The following RFX3 variants were observed in gnomAD, a reference collection of about 807,000 sequenced individuals.
RFX3 encodes the protein regulatory factor X3.
Under a neutral mutation model 98.6 loss-of-function variants are expected in RFX3, and 14 were observed. The ratio of observed to expected loss-of-function variants is 0.14; its 90% CI spans 0.09 to 0.22. The LOEUF (loss-of-function observed/expected upper bound fraction) is 0.22, where lower values mean the gene tolerates loss of function less well. RFX3 is among the 10% of genes least tolerant of loss of function. RFX3 has a pLI of 1.00. For synonymous variants in RFX3, 383 were observed against 328.4 expected (o/e 1.17, Z -1.80); for missense variants, 639 against 926.9 (o/e 0.69, Z 4.03).
intron 7 of RFX3, among the ~76,000 whole-genome samples, chr9:3,286,254 A>T (rs1046311171): frequency 2.0e-5 from 3 of 151,814 alleles, no homozygotes; most frequent in Admixed American, 6.6e-5. Flanking sequence ...AGCAATCATA[A>T]CCCAAAATAG....
At chr9:3,283,719 G>C (rs1227769211) in intron 7 of RFX3, among the ~76,000 whole-genome samples, 2 of 151,758 alleles carry the variant, frequency 1.3e-5, no homozygotes, top group African/African-American at 4.8e-5. Flanking sequence ...GTGAAAGAAA[G>C]GTTTATTCTT....
chr9:3,351,170 G>C (rs78494249), intron 2 of RFX3, among the ~76,000 whole-genome samples: 3,209 of 152,034 alleles, frequency 0.021, 125 homozygotes, highest in African/African-American at 0.073. Context: ...GTTTATAATG[G>C]AAGAGGCTAT....
intron 1 of RFX3, among the ~76,000 whole-genome samples, chr9:3,405,903 G>A (rs937959193): frequency 1.3e-5 from 2 of 152,002 alleles, no homozygotes; most frequent in African/African-American, 4.8e-5. Context: ...ATACAATCCA[G>A]CCTTATGGAA....
rs58788880 is a variant in RFX3, at chr9:3,292,061, CAAAAAAAAAAAAAAAAAAAAAAAA to C, written c.731+992_731+1015del. On this transcript the variant is annotated intron_variant, in intron 6 of 16. Transcript: ENST00000617270. ...ACAGAAACAGAGTGAGACTCCATCT[CAAAAAAAAAAAAAAAAAAAAAAAA>C]AAAAAAAAAAAAAAACTCTTTACGA... Among the ~76,000 whole-genome samples the C allele has an allele frequency of 3.8e-4, 9 of 23,946 alleles. 1 individual carries two copies. In the East Asian group the frequency reaches 6.1e-3, roughly 16 times the overall value. 15.7% of individuals were successfully genotyped at this position (23,946 alleles called of 152,430 possible).
At position 3,341,960 on chromosome 9, in the gene RFX3, T is replaced by C. The variant is rs539068344; in HGVS notation, c.215+4707A>G. Reference sequence around the variant, plus strand: ...GAAAGCATAATTTCACCTGCAAATATCGAAATTTCACATTCCACTTATAGA... The same window carrying C: ...GAAAGCATAATTTCACCTGCAAATACCGAAATTTCACATTCCACTTATAGA... On this transcript the variant is annotated intron_variant, in intron 3 of 16. Transcript: ENST00000617270. Among the ~76,000 whole-genome samples the C allele has an allele frequency of 8.5e-5, 13 of 152,286 alleles. 2 individuals carry two copies. The highest frequency in any genetic ancestry group is 2.9e-4 in the African/African-American group (12 of 41,572).
At chr9:3,323,625 C>A (rs1027469305) in intron 4 of RFX3, among the ~76,000 whole-genome samples, 2 of 152,082 alleles carry the variant, frequency 1.3e-5, no homozygotes, top group African/African-American at 2.4e-5. Context: ...TTATCTAGAT[C>A]TTGTATGACA....
chr9:3,243,125 G>C (rs1267273245), intron 15 of RFX3, among the ~76,000 whole-genome samples: 1 of 151,954 alleles, frequency 6.6e-6, no homozygotes, highest in Non-Finnish European at 1.5e-5. Context: ...TCTGGTCAGA[G>C]TTGTATGGAA....
In RFX3 at chr9:3,224,434, T is replaced by A. The variant is rs1296304105; in HGVS notation, c.*608A>T. On this transcript the variant is annotated 3_prime_UTR_variant, in exon 17 of 17. Coordinates refer to ENST00000617270, the MANE Select transcript of RFX3 (RefSeq NM_001282116.2). The stretch of plus-strand genomic sequence containing the variant: ...GTCATTTACTCTGAACTGATAAATG[T>A]ACAGCTCATTTTTTCCTCAGAGAAA... 1.3e-5 allele frequency: 2 copies of A among 152,568 alleles called. No individual in the cohort carries two copies. The highest frequency in any genetic ancestry group is 4.8e-5 in the African/African-American group (2 of 41,470). The allele number at this position is 152,568 out of a possible 1,614,324, so 9.5% of individuals were successfully genotyped here.
chr9:3,289,619 T>C lies in RFX3; in HGVS notation c.732-1369A>G, dbSNP rs78775378. On this transcript the variant is annotated intron_variant, in intron 6 of 16. Coordinates refer to ENST00000617270, the MANE Select transcript of RFX3 (RefSeq NM_001282116.2). The stretch of plus-strand genomic sequence containing the variant: ...GATGTCTCTCTTGTGAGACCTCAAA[T>C]AGATGGAGTGCTGAGTTTCTTTTTG... Among the ~76,000 whole-genome samples, 1,155 of 152,166 alleles carry C rather than the reference T, an allele frequency of 7.6e-3. 7 individuals are homozygous for C. Among genetic ancestry groups the C allele is most frequent in the African/African-American group, 0.026 (1,089 of 41,520 alleles).
At chr9:3,260,363 T>A (rs538710710) in intron 13 of RFX3, among the ~76,000 whole-genome samples, 2 of 152,126 alleles carry the variant, frequency 1.3e-5, no homozygotes, top group East Asian at 3.9e-4. Context: ...TGATCATTAA[T>A]ATGCAAAAAT....
intron 7 of RFX3, among the ~76,000 whole-genome samples, chr9:3,279,254 A>G (rs1297123100): frequency 2.0e-5 from 3 of 151,760 alleles, no homozygotes; most frequent in Non-Finnish European, 2.9e-5. Context: ...GATTCATTCC[A>G]AGTTTCAACT....
chr9:3,432,588 A>G (rs1318627170), intron 1 of RFX3, among the ~76,000 whole-genome samples: 1 of 152,124 alleles, frequency 6.6e-6, no homozygotes, highest in Non-Finnish European at 1.5e-5. Context: ...GATGTGGCCA[A>G]AAAAAAGGTA....
intron 14 of RFX3, among the ~76,000 whole-genome samples, chr9:3,255,040 G>A (rs574379988): frequency 1.3e-5 from 2 of 152,284 alleles, no homozygotes; most frequent in South Asian, 2.1e-4. Flanking sequence ...AAAACTGGTT[G>A]GCTTTCTTTC....
At chr9:3,311,796 A>G (rs1192547037) in intron 4 of RFX3, among the ~76,000 whole-genome samples, 1 of 152,158 alleles carries the variant, frequency 6.6e-6, no homozygotes, top group Admixed American at 6.5e-5. Flanking sequence ...AGGCAGGACA[A>G]TCGCTTGAAT....
At chr9:3,466,839 T>G (rs1447434198) in intron 1 of RFX3, among the ~76,000 whole-genome samples, 1 of 151,742 alleles carries the variant, frequency 6.6e-6, no homozygotes, top group African/African-American at 2.4e-5. Context: ...TGAAACAGAA[T>G]AATCCAGTTT....
chr9:3,510,037 C>A (rs1176958668), intron 1 of RFX3, among the ~76,000 whole-genome samples: 1 of 151,916 alleles, frequency 6.6e-6, no homozygotes, highest in Non-Finnish European at 1.5e-5. Context: ...CTACTGAAAT[C>A]CTGTATATTT....
intron 2 of RFX3, among the ~76,000 whole-genome samples, chr9:3,351,466 T>G (rs1049404923): frequency 1.3e-5 from 2 of 151,880 alleles, no homozygotes; most frequent in Admixed American, 6.6e-5. Flanking sequence ...CAAGTCAGAT[T>G]TGAACTAACA....
At chr9:3,515,911 CT>C (rs1328279505) in intron 1 of RFX3, among the ~76,000 whole-genome samples, 2 of 152,132 alleles carry the variant, frequency 1.3e-5, no homozygotes, top group East Asian at 3.9e-4. Context: ...ATATACTCCC[CT>C]ATTAGGCTGG....
At chr9:3,273,673 G>T (rs1256043478) in intron 9 of RFX3, among the ~76,000 whole-genome samples, 1 of 151,976 alleles carries the variant, frequency 6.6e-6, no homozygotes, top group Non-Finnish European at 1.5e-5. Context: ...AAACCAGCCT[G>T]GCCAACACAG....
Sources: allele counts gnomAD v4.1 joint callset (sites outside exome capture counted in the v4.1 genomes callset), GRCh38; gene constraint gnomAD v4.1.1; transcripts MANE v1.5; gene names NCBI Gene and HGNC (gene_info 2026-07-23, HGNC 2026-07-21).